MUC13: variants seen among roughly 807,000 people sequenced by gnomAD.
MUC13 encodes mucin 13, cell surface associated, also known as mucin-13.
MUC13 carries 32 observed loss-of-function variants against 48.3 expected under a neutral mutation model. The observed-to-expected ratio is 0.66, with a 90% CI of 0.50 to 0.89. The LOEUF (loss-of-function observed/expected upper bound fraction) is 0.89. MUC13 is among the 40% of genes least tolerant of loss of function. MUC13 has a pLI of 0.00. For synonymous variants in MUC13, 199 were observed against 224.9 expected (o/e 0.88, Z 1.03); for missense variants, 571 against 622.8 (o/e 0.92, Z 0.88).
At chr3:124,934,290 T>C (rs1185383050) in intron 1 of MUC13, among the ~76,000 whole-genome samples, 1 of 152,212 alleles carries the variant, frequency 6.6e-6, no homozygotes, top group Non-Finnish European at 1.5e-5. Flanking sequence ...CCTGAGTAGC[T>C]GAGACTACAG....
At chr3:124,921,136 T>C (rs529166312) in intron 4 of MUC13, among the ~76,000 whole-genome samples, 37 of 146,864 alleles carry the variant, frequency 2.5e-4, no homozygotes, top group African/African-American at 9.1e-4. Flanking sequence ...TAAAAAAATG[T>C]CTCTCCATCT....
chr3:124,912,750 A>G (rs35935456), intron 8 of MUC13, among the ~76,000 whole-genome samples: 555 of 152,136 alleles, frequency 3.6e-3, no homozygotes, highest in Admixed American at 8.1e-3. Context: ...AGCCTGGCCA[A>G]GATGATGAAA....
chr3:124,928,117 A>G (rs1040663144), intron 1 of MUC13, 124 bp from the exon 2 acceptor site: 1 of 775,374 alleles, frequency 1.3e-6, no homozygotes, highest in South Asian at 2.2e-5. Context: ...GGTTTCCCCA[A>G]GTTGCCTAGA....
In MUC13 at chr3:124,931,871, C is replaced by T. The variant is rs548510439; in HGVS notation, c.52+2790G>A. 3.9e-5 allele frequency among the ~76,000 whole-genome samples: 6 copies of T among 152,080 alleles called. No homozygotes were observed. In the East Asian group the frequency reaches 7.8e-4, roughly 20 times the overall value. Reference sequence around the variant, plus strand: ...CAGCCTGGCCAATGTAGTGAAACCCCGTCTCTACTAAAAATACAAAAAAAT... The same window carrying T: ...CAGCCTGGCCAATGTAGTGAAACCCTGTCTCTACTAAAAATACAAAAAAAT... On this transcript the variant is annotated intron_variant, in intron 1 of 11. Transcript: ENST00000616727.
chr3:124,906,085 A>G lies in MUC13; in HGVS notation c.*658T>C, dbSNP rs186010515. The G allele has an allele frequency of 1.0e-3, 158 of 152,778 alleles. 1 individual carries two copies. The highest frequency in any genetic ancestry group is 1.5e-3 in the Non-Finnish European group (103 of 68,058). 9.5% of individuals were successfully genotyped at this position (152,778 alleles called of 1,614,324 possible). On this transcript the variant is annotated 3_prime_UTR_variant, in exon 12 of 12. Coordinates refer to ENST00000616727, the MANE Select transcript of MUC13 (RefSeq NM_033049.4). ...AGTCCAGGCCTTCTAATTAGCATCA[A>G]AAAGTTCCTGGATTCCCAGGCACGC... is the stretch of plus-strand genomic sequence containing the variant.
intron 5 of MUC13, among the ~76,000 whole-genome samples, chr3:124,917,022 A>T (rs1935521316): frequency 6.6e-6 from 1 of 152,086 alleles, no homozygotes; most frequent in Non-Finnish European, 1.5e-5. Context: ...CTGGACACAC[A>T]CGACCCAGAG....
chr3:124,912,058 C>T (rs1389139222), intron 9 of MUC13, 46 bp downstream of exon 9: 1 of 1,600,060 alleles, frequency 6.2e-7, no homozygotes, highest in Non-Finnish European at 8.5e-7. Flanking sequence ...ATTGATTTCT[C>T]AGATGTTTAA....
chr3:124,922,393 C>A, intron 3 of MUC13, 90 bp from the exon 4 acceptor site: 2 of 1,454,100 alleles, frequency 1.4e-6, no homozygotes, highest in South Asian at 2.7e-5. Flanking sequence ...TTTTAGAATT[C>A]CCAACATTAT....
intron 3 of MUC13, 113 bp downstream of exon 3, chr3:124,923,414 A>G (rs1248740493): frequency 1.7e-6 from 2 of 1,194,142 alleles, no homozygotes; most frequent in African/African-American, 1.5e-5. Flanking sequence ...TTGCCTCTGC[A>G]TTTTCTTTAT....
intron 1 of MUC13, among the ~76,000 whole-genome samples, chr3:124,932,806 C>T (rs770049515): frequency 7.2e-5 from 11 of 151,954 alleles, no homozygotes; most frequent in African/African-American, 2.7e-4. Context: ...CATCTGAATC[C>T]CTGCTTGCCC....
rs1452052477 is a variant in MUC13, at chr3:124,922,296, T to C, written c.645A>G (p.Val215=). Residue 215 remains valine, a synonymous_variant, in exon 4 of 12, where the codon GTA becomes GTG. Coordinates refer to ENST00000616727, the MANE Select transcript of MUC13 (RefSeq NM_033049.4). ...CTGTCACTGAAATCTTCCCAGGGAATACCTTTCCTGAAAGTTAAGCAGAAT... is the reference window on the plus strand; with the variant it reads ...CTGTCACTGAAATCTTCCCAGGGAACACCTTTCCTGAAAGTTAAGCAGAAT... ...YNSSTCKKGK[V]FPGKISVTVS... is the part of the protein sequence containing the mutation. 2 of 1,613,660 alleles carry C rather than the reference T, an allele frequency of 1.2e-6. No homozygotes were observed. The highest frequency in any genetic ancestry group is 1.7e-6 in the Non-Finnish European group (2 of 1,179,842).
chr3:124,909,151 C>T (rs1201980732), intron 10 of MUC13, among the ~76,000 whole-genome samples: 1 of 148,664 alleles, frequency 6.7e-6, no homozygotes. Flanking sequence ...AAGACTCTGT[C>T]TCAAAAAAAA....
At chr3:124,919,884 C>A (rs909600894) in intron 5 of MUC13, among the ~76,000 whole-genome samples, 4 of 152,176 alleles carry the variant, frequency 2.6e-5, no homozygotes, top group African/African-American at 9.7e-5. Flanking sequence ...CTCCCCCCGG[C>A]CCACTGGAAT....
chr3:124,930,214 T>G (rs1418083748), intron 1 of MUC13, among the ~76,000 whole-genome samples: 1 of 152,128 alleles, frequency 6.6e-6, no homozygotes, highest in Non-Finnish European at 1.5e-5. Flanking sequence ...TGACAAGGAG[T>G]TTTGGACTTG....
chr3:124,926,867 C>T (rs988305984), intron 2 of MUC13, among the ~76,000 whole-genome samples: 11 of 152,170 alleles, frequency 7.2e-5, no homozygotes, highest in Admixed American at 3.9e-4. Context: ...TACTGATAAA[C>T]GTAGTTGATT....
At chr3:124,910,118 G>C (rs1380758360) in intron 10 of MUC13, among the ~76,000 whole-genome samples, 1 of 151,980 alleles carries the variant, frequency 6.6e-6, no homozygotes, top group African/African-American at 2.4e-5. Context: ...AGACAATTAA[G>C]GTAAGGAAAA....
intron 11 of MUC13, among the ~76,000 whole-genome samples, 157 bp from the exon 12 acceptor site, chr3:124,906,899 G>C (rs539038859): frequency 6.6e-6 from 1 of 151,844 alleles, no homozygotes; most frequent in Non-Finnish European, 1.5e-5. Context: ...TTTCTCTCAC[G>C]TCTCTTCCAT....
chr3:124,928,142 C>G, intron 1 of MUC13, 149 bp from the exon 2 acceptor site: 1 of 621,882 alleles, frequency 1.6e-6, no homozygotes, highest in Non-Finnish European at 2.6e-6. Context: ...TCATAAACCC[C>G]TGGGCTCAAG....
At chr3:124,912,264 T>A in intron 8 of MUC13, 123 bp from the exon 9 acceptor site, 1 of 1,413,380 alleles carries the variant, frequency 7.1e-7, no homozygotes. Context: ...TCCCTTGCTT[T>A]TTTTCCTCTT....
Sources: allele counts gnomAD v4.1 joint callset (sites outside exome capture counted in the v4.1 genomes callset), GRCh38; gene constraint gnomAD v4.1.1; transcripts MANE v1.5; gene names NCBI Gene and HGNC (gene_info 2026-07-23, HGNC 2026-07-21).